CPNE8: variants seen among roughly 807,000 people sequenced by gnomAD.
CPNE8 encodes copine 8.
Under a neutral mutation model 81.5 loss-of-function variants are expected in CPNE8, and 45 were observed. The observed-to-expected ratio is 0.55, with a 90% CI of 0.44 to 0.71. The LOEUF (loss-of-function observed/expected upper bound fraction) is 0.71, where lower values mean the gene tolerates loss of function less well. CPNE8 is among the 30% of genes least tolerant of loss of function. The pLI is 0.00. For missense variants in CPNE8, 594 were observed against 672.1 expected, an observed-to-expected ratio of 0.88 and a Z score of 1.28; for synonymous variants, 252 against 226.3, an observed-to-expected ratio of 1.11 and a Z score of -1.02.
intron 6 of CPNE8, among the ~76,000 whole-genome samples, chr12:38,826,116 C>T (rs1403673156): frequency 6.6e-6 from 1 of 152,176 alleles, no homozygotes; most frequent in Non-Finnish European, 1.5e-5. Context: ...CCACTTAGTA[C>T]TAAAACTTGC....
At chr12:38,670,574 G>A (rs1030242096) in intron 19 of CPNE8, among the ~76,000 whole-genome samples, 155 bp downstream of exon 19, 5 of 152,044 alleles carry the variant, frequency 3.3e-5, no homozygotes, top group Admixed American at 2.0e-4. Context: ...TTCACTCTGA[G>A]TATCTACCAG....
intron 13 of CPNE8, among the ~76,000 whole-genome samples, chr12:38,714,066 C>T (rs1940326998): frequency 6.6e-6 from 1 of 152,016 alleles, no homozygotes; most frequent in Non-Finnish European, 1.5e-5. Flanking sequence ...AGTGTCATAA[C>T]ACTTGAGAGA....
chr12:38,774,352 T>C (rs1368507488), intron 7 of CPNE8, among the ~76,000 whole-genome samples: 1 of 152,156 alleles, frequency 6.6e-6, no homozygotes, highest in Non-Finnish European at 1.5e-5. Context: ...AACTTCCTTT[T>C]TTCTTTCCTC....
At chr12:38,850,656 C>T (rs775270568) in intron 3 of CPNE8, among the ~76,000 whole-genome samples, 21 of 152,110 alleles carry the variant, frequency 1.4e-4, no homozygotes, top group Non-Finnish European at 2.6e-4. Context: ...TCACTTCTGG[C>T]CCTCATCTTG....
intron 6 of CPNE8, among the ~76,000 whole-genome samples, chr12:38,792,976 C>CA (rs1013481588): frequency 1.2e-4 from 18 of 151,692 alleles, no homozygotes; most frequent in Non-Finnish European, 1.9e-4. Flanking sequence ...GAATAAAGAA[C>CA]AAAAAACTAC....
At chr12:38,820,544 G>A (rs1353105193) in intron 6 of CPNE8, among the ~76,000 whole-genome samples, 1 of 152,122 alleles carries the variant, frequency 6.6e-6, no homozygotes, top group African/African-American at 2.4e-5. Context: ...GGCTGGTGAA[G>A]TATCAAATAA....
intron 1 of CPNE8, among the ~76,000 whole-genome samples, chr12:38,889,729 A>G (rs1267642726): frequency 1.3e-5 from 2 of 152,150 alleles, no homozygotes; most frequent in Admixed American, 6.6e-5. Flanking sequence ...GAGTCAAGGA[A>G]CTTGTGCATA....
At chr12:38,734,374 T>A (rs2136774596) in intron 10 of CPNE8, among the ~76,000 whole-genome samples, 1 of 152,186 alleles carries the variant, frequency 6.6e-6, no homozygotes, top group East Asian at 1.9e-4. Context: ...CTCCTTAAAA[T>A]AACTCTGAGA....
At chr12:38,692,704 A>C (rs1321560773) in intron 15 of CPNE8, among the ~76,000 whole-genome samples, 3 of 152,172 alleles carry the variant, frequency 2.0e-5, no homozygotes, top group African/African-American at 7.2e-5. Context: ...AAAATTAATA[A>C]ACCTCATTTA....
At chr12:38,770,823 G>T (rs763468048) in intron 7 of CPNE8, among the ~76,000 whole-genome samples, 7 of 152,104 alleles carry the variant, frequency 4.6e-5, no homozygotes, top group Non-Finnish European at 8.8e-5. Context: ...TAGCTTAAAT[G>T]TCACTTTCTC....
At chr12:38,791,219 G>T (rs1382527433) in intron 6 of CPNE8, among the ~76,000 whole-genome samples, 1 of 151,490 alleles carries the variant, frequency 6.6e-6, no homozygotes, top group African/African-American at 2.4e-5. Context: ...ACTCAGAACA[G>T]ATGTTTCATT....
At chr12:38,821,986 G>A (rs1205648718) in intron 6 of CPNE8, among the ~76,000 whole-genome samples, 5 of 152,062 alleles carry the variant, frequency 3.3e-5, no homozygotes, top group East Asian at 1.9e-4. Flanking sequence ...ACCATTTTTC[G>A]AGAGGCTTTC....
intron 7 of CPNE8, among the ~76,000 whole-genome samples, chr12:38,775,086 C>T: frequency 6.6e-6 from 1 of 152,040 alleles, no homozygotes; most frequent in Non-Finnish European, 1.5e-5. Flanking sequence ...AACTATCTAT[C>T]TATCTATCTA....
At position 38,653,617 on chromosome 12, in the gene CPNE8, T is replaced by TAAAAAAAAA. The variant is rs59710225; in HGVS notation, c.*256_*264dup. ...TACATTGGAAATTAGCTGTTTCTGT[T>TAAAAAAAAA]AAAAAAAAAAAGAAAGAAAGATTTA... On this transcript the variant is annotated 3_prime_UTR_variant, in exon 20 of 20. Coordinates refer to ENST00000331366, the MANE Select transcript of CPNE8 (RefSeq NM_153634.3). 615 of 148,306 alleles carry TAAAAAAAAA rather than the reference T, an allele frequency of 4.1e-3. 2 individuals carry two copies. Among genetic ancestry groups the TAAAAAAAAA allele is most frequent in the Middle Eastern group, 8.5e-3 (3 of 352 alleles). The allele number at this position is 148,306 out of a possible 1,614,324, so 9.2% of individuals were successfully genotyped here.
intron 19 of CPNE8, 84 bp downstream of exon 19, chr12:38,670,645 G>T: frequency 4.5e-6 from 4 of 891,810 alleles, no homozygotes; most frequent in Non-Finnish European, 7.0e-6. Context: ...TAAAAAGTCT[G>T]TTATATTTCT....
At chr12:38,744,507 A>C (rs966311639) in intron 10 of CPNE8, among the ~76,000 whole-genome samples, 16 of 152,324 alleles carry the variant, frequency 1.1e-4, no homozygotes, top group Admixed American at 9.8e-4. Context: ...CTACATTTAG[A>C]ATTTTAGAAT....
At chr12:38,809,509 C>T (rs780124342) in intron 6 of CPNE8, among the ~76,000 whole-genome samples, 1 of 152,174 alleles carries the variant, frequency 6.6e-6, no homozygotes. Flanking sequence ...GTTACATCTG[C>T]AAAGTTCCTT....
chr12:38,730,186 T>A, intron 11 of CPNE8, 97 bp downstream of exon 11: 1 of 770,060 alleles, frequency 1.3e-6, no homozygotes, highest in East Asian at 2.5e-5. Flanking sequence ...TGATACTTAG[T>A]TAACCTTTGG....
chr12:38,808,190 C>T (rs71463381), intron 6 of CPNE8, among the ~76,000 whole-genome samples: 1,626 of 152,136 alleles, frequency 0.011, 14 homozygotes, highest in Non-Finnish European at 0.016. Context: ...TGGAAGTCAG[C>T]GTGGCTATTC....
Sources: allele counts gnomAD v4.1 joint callset (sites outside exome capture counted in the v4.1 genomes callset), GRCh38; gene constraint gnomAD v4.1.1; transcripts MANE v1.5; gene names NCBI Gene and HGNC (gene_info 2026-07-23, HGNC 2026-07-21).